Variants in TMEM108 observed in about 807,000 individuals in gnomAD.
TMEM108 encodes cancer/testis antigen 124.
A neutral mutation model predicts 35.1 loss-of-function variants in TMEM108; 12 were observed. The ratio of observed to expected loss-of-function variants is 0.34; its 90% confidence interval spans 0.22 to 0.55. The LOEUF is 0.55. Among genes scored for constraint, TMEM108 ranks in the 20% least tolerant of loss-of-function variants. The probability of loss-of-function intolerance (pLI) is 0.89; values close to 1 mark genes in which losing one functional copy is unlikely to be tolerated. For missense variants in TMEM108, 680 were observed against 753.3 expected (o/e 0.90, Z 1.14); for synonymous variants, 287 against 308.6 (o/e 0.93, Z 0.73).
intron 3 of TMEM108, chr3:133,246,944 C>T (rs1031351200): frequency 7.9e-5 from 12 of 152,194 alleles, no homozygotes; most frequent in African/African-American, 2.7e-4. Flanking sequence ...ATGTCACAGG[C>T]TTCTGTCATG....
chr3:133,060,225 C>T (rs189556647), intron 2 of TMEM108, among the ~76,000 whole-genome samples: 25 of 152,244 alleles, frequency 1.6e-4, no homozygotes, highest in African/African-American at 5.3e-4. Context: ...CCAAAAGCTA[C>T]AAAAGCCCAT....
At chr3:133,102,513 A>G (rs1211144417) in intron 2 of TMEM108, among the ~76,000 whole-genome samples, 1 of 152,100 alleles carries the variant, frequency 6.6e-6, no homozygotes, top group Non-Finnish European at 1.5e-5. Flanking sequence ...TCTCTGTGTA[A>G]GTGCCTATTG....
At chr3:133,257,542 A>G (rs73217545) in intron 3 of TMEM108, among the ~76,000 whole-genome samples, 56 of 152,334 alleles carry the variant, frequency 3.7e-4, no homozygotes, top group Admixed American at 1.9e-3. Flanking sequence ...CAAAACCTAA[A>G]GAAGTATTGT....
At position 133,390,207 on chromosome 3, in the gene TMEM108, AGAG is replaced by A; in HGVS notation, c.1481_1483del (p.Arg494del). The A allele has an allele frequency of 6.2e-7, 1 of 1,614,160 alleles. No homozygotes were observed. Among genetic ancestry groups the A allele is most frequent in the Non-Finnish European group, 8.5e-7 (1 of 1,180,026 alleles). On this transcript the variant is annotated inframe_deletion, in exon 5 of 6. Coordinates refer to ENST00000321871, the MANE Select transcript of TMEM108 (RefSeq NM_023943.4). ...GTCCTGCTGACGGTGTGCTGCATGA[AGAG>A]GAAGAAGAAGACCGCCAACCCGGAG...
intron 5 of TMEM108, among the ~76,000 whole-genome samples, chr3:133,392,401 G>T (rs1297551920): frequency 2.0e-5 from 3 of 152,104 alleles, no homozygotes; most frequent in African/African-American, 7.2e-5. Flanking sequence ...CACCTCAAGT[G>T]ACCCGCCCAC....
chr3:133,281,737 C>T (rs888399497), intron 3 of TMEM108, among the ~76,000 whole-genome samples: 38 of 152,178 alleles, frequency 2.5e-4, no homozygotes, highest in Non-Finnish European at 2.9e-5. Context: ...AAGTCACTTT[C>T]CCTCTCTGGG....
At chr3:133,058,922 G>T (rs1038473042) in intron 2 of TMEM108, among the ~76,000 whole-genome samples, 6 of 152,144 alleles carry the variant, frequency 3.9e-5, no homozygotes, top group Admixed American at 3.9e-4. Context: ...TTGTGTTAGG[G>T]CTCTTACAAC....
intron 3 of TMEM108, among the ~76,000 whole-genome samples, chr3:133,344,443 T>C (rs1307753548): frequency 6.6e-6 from 1 of 151,248 alleles, no homozygotes; most frequent in East Asian, 1.9e-4. Context: ...GGAAAGAAGA[T>C]GCATTAGTAA....
chr3:133,076,911 A>G (rs1193765202), intron 2 of TMEM108, among the ~76,000 whole-genome samples: 2 of 152,256 alleles, frequency 1.3e-5, no homozygotes, highest in Admixed American at 1.3e-4. Flanking sequence ...AGGAAGAGAA[A>G]TCAAGTGCAA....
At chr3:133,063,766 G>A (rs1179926205) in intron 2 of TMEM108, among the ~76,000 whole-genome samples, 3 of 152,050 alleles carry the variant, frequency 2.0e-5, no homozygotes, top group Admixed American at 6.5e-5. Flanking sequence ...TGGGTCTCCC[G>A]CTGGACTCCT....
chr3:133,064,294 T>C (rs1943569735), intron 2 of TMEM108, among the ~76,000 whole-genome samples: 2 of 152,214 alleles, frequency 1.3e-5, no homozygotes, highest in Admixed American at 6.5e-5. Context: ...ACCTTTAATC[T>C]ATATTAGGGA....
intron 4 of TMEM108, chr3:133,387,903 C>A (rs538272979): frequency 2.0e-6 from 2 of 985,460 alleles, no homozygotes; most frequent in African/African-American, 3.5e-5. Flanking sequence ...TTGCTTATAA[C>A]TGCTCAGTAG....
chr3:133,386,769 T>G (rs2107854439), intron 4 of TMEM108: 3 of 1,103,218 alleles, frequency 2.7e-6, no homozygotes, highest in Non-Finnish European at 2.3e-6. Context: ...GTCATCTCTA[T>G]ACCCTCCGGT....
Position 133,041,279 on chromosome 3 carries a change from G to A in TMEM108, c.-166+2844G>A, listed in dbSNP as rs530031666. 2.0e-5 allele frequency among the ~76,000 whole-genome samples: 3 copies of A among 152,280 alleles called. No homozygotes were observed. The East Asian group carries it at 5.8e-4, about 29-fold the overall frequency. On this transcript the variant is annotated intron_variant, in intron 1 of 5. Transcript: ENST00000321871. ...GGTAGTTACACGTCTCAGGTTGTAA[G>A]CATCAGTTATGCTTGTAATGTGCTT...
chr3:133,111,887 A>G (rs921939719), intron 2 of TMEM108, among the ~76,000 whole-genome samples: 1 of 152,156 alleles, frequency 6.6e-6, no homozygotes, highest in Non-Finnish European at 1.5e-5. Context: ...GCTTCCACCC[A>G]GTAACTTTCT....
intron 2 of TMEM108, among the ~76,000 whole-genome samples, chr3:133,048,250 C>T (rs1001650161): frequency 6.6e-6 from 1 of 152,174 alleles, no homozygotes; most frequent in Non-Finnish European, 1.5e-5. Context: ...GGAAAACTAT[C>T]GTCCCAAATG....
intron 2 of TMEM108, among the ~76,000 whole-genome samples, chr3:133,070,978 C>G (rs1055896953): frequency 1.3e-5 from 2 of 152,130 alleles, no homozygotes; most frequent in African/African-American, 4.8e-5. Context: ...TAATGCAGCT[C>G]TGATCTCATT....
intron 2 of TMEM108, among the ~76,000 whole-genome samples, chr3:133,064,295 A>G (rs1030914438): frequency 3.3e-5 from 5 of 152,172 alleles, no homozygotes; most frequent in Admixed American, 6.5e-5. Flanking sequence ...CCTTTAATCT[A>G]TATTAGGGAA....
At chr3:133,296,204 A>G (rs115391061) in intron 3 of TMEM108, among the ~76,000 whole-genome samples, 2,569 of 152,268 alleles carry the variant, frequency 0.017, 69 homozygotes, top group African/African-American at 0.057. Context: ...GAATTTTCCT[A>G]TATATCAAAG....
Sources: allele counts gnomAD v4.1 joint callset (sites outside exome capture counted in the v4.1 genomes callset), GRCh38; gene constraint gnomAD v4.1.1; transcripts MANE v1.5; gene names NCBI Gene and HGNC (gene_info 2026-07-23, HGNC 2026-07-21).